Variants in PCDHA3 observed in about 807,000 individuals in gnomAD.
PCDHA3 encodes protocadherin alpha-3.
A neutral mutation model predicts 62.2 loss-of-function variants in PCDHA3; 41 were observed. The observed-to-expected ratio is 0.66, with a 90% confidence interval of 0.51 to 0.86. PCDHA3 has a LOEUF of 0.86. Among genes scored for constraint, PCDHA3 ranks in the 40% least tolerant of loss-of-function variants. The pLI, the probability that PCDHA3 is intolerant of heterozygous loss-of-function variation, is 0.00. For missense variants in PCDHA3, 1,304 were observed against 1,241.2 expected, an observed-to-expected ratio of 1.05 and a Z score of -0.76; for synonymous variants, 640 against 555.4, an observed-to-expected ratio of 1.15 and a Z score of -2.14.
intron 1 of PCDHA3, chr5:140,928,022 G>A: frequency 6.2e-7 from 1 of 1,614,200 alleles, no homozygotes; most frequent in Non-Finnish European, 8.5e-7. Flanking sequence ...AGGGTCATTT[G>A]TGGCATGTCT....
intron 1 of PCDHA3, chr5:140,821,624 A>G: frequency 1.1e-6 from 1 of 893,550 alleles, no homozygotes; most frequent in Non-Finnish European, 1.7e-6. Context: ...GATTTTCCTT[A>G]GACAGAAAGG....
chr5:140,808,972 C>T, intron 1 of PCDHA3: 1 of 1,613,608 alleles, frequency 6.2e-7, no homozygotes, highest in Admixed American at 1.7e-5. Flanking sequence ...CAAAGGTGCG[C>T]GCGGTGGATG....
intron 1 of PCDHA3, among the ~76,000 whole-genome samples, chr5:140,846,095 G>A (rs2150384472): frequency 6.7e-5 from 10 of 149,712 alleles, no homozygotes; most frequent in African/African-American, 2.4e-4. Context: ...GTCCTTCCAA[G>A]GAATGTGTAG....
Position 140,850,162 on chromosome 5 carries a change from T to A in PCDHA3, c.2394+46571T>A. On this transcript the variant is annotated intron_variant, in intron 1 of 3. Transcript: ENST00000522353. ...AACGTGACGCTGCAGGTGTTCGTGCTGGACGAGAACGACAATGCGCCGGCG... is the reference window on the plus strand; with the variant it reads ...AACGTGACGCTGCAGGTGTTCGTGCAGGACGAGAACGACAATGCGCCGGCG... 8.8e-6 allele frequency: 14 copies of A among 1,595,026 alleles called. 2 individuals carry two copies. The highest frequency in any genetic ancestry group is 1.2e-5 in the Non-Finnish European group (14 of 1,167,802).
intron 1 of PCDHA3, chr5:140,869,761 C>T (rs782673770): frequency 6.2e-7 from 1 of 1,613,150 alleles, no homozygotes; most frequent in Non-Finnish European, 8.5e-7. Context: ...CGGGGGAAAA[C>T]CAGAGCTTAC....
intron 1 of PCDHA3, chr5:140,807,310 C>A: frequency 6.2e-7 from 1 of 1,614,114 alleles, no homozygotes; most frequent in Non-Finnish European, 8.5e-7. Context: ...AGGCCAAACA[C>A]GGCACCTTCG....
chr5:140,994,429 G>A (rs1474074265), intron 3 of PCDHA3, among the ~76,000 whole-genome samples: 1 of 152,110 alleles, frequency 6.6e-6, no homozygotes, highest in Non-Finnish European at 1.5e-5. Flanking sequence ...GAGGCCGGGC[G>A]CAGTGGCTCA....
At chr5:140,985,832 C>T (rs760290757) in intron 3 of PCDHA3, among the ~76,000 whole-genome samples, 4 of 151,378 alleles carry the variant, frequency 2.6e-5, no homozygotes, top group African/African-American at 4.9e-5. Flanking sequence ...CTCTGCCTCC[C>T]GGGTTCATGC....
intron 1 of PCDHA3, chr5:140,968,856 G>A (rs782749305): frequency 1.2e-6 from 2 of 1,614,184 alleles, no homozygotes; most frequent in South Asian, 1.1e-5. Flanking sequence ...CATGTTAAGA[G>A]CCCTCGGACA....
At chr5:140,834,347 AG>A (rs2150215572) in intron 1 of PCDHA3, 2 of 1,523,758 alleles carry the variant, frequency 1.3e-6, no homozygotes, top group South Asian at 2.6e-5. Flanking sequence ...TTCGAAGGCA[AG>A]TTTTGCTGAC....
chr5:140,814,586 C>T (rs1049103796), intron 1 of PCDHA3: 3 of 151,932 alleles, frequency 2.0e-5, no homozygotes, highest in African/African-American at 7.3e-5. Flanking sequence ...AATTACTGTA[C>T]ATAATTGTAT....
intron 1 of PCDHA3, chr5:140,841,677 T>A (rs2150320586): frequency 5.6e-6 from 9 of 1,614,014 alleles, no homozygotes; most frequent in Non-Finnish European, 7.6e-6. Flanking sequence ...GTTTTCCATG[T>A]GGACGTGGAG....
At chr5:140,871,700 A>G in intron 1 of PCDHA3, 1 of 896,726 alleles carries the variant, frequency 1.1e-6, no homozygotes, top group Non-Finnish European at 1.6e-6. Flanking sequence ...TTCTTTAACC[A>G]ATAAATGTCC....
intron 3 of PCDHA3, among the ~76,000 whole-genome samples, chr5:140,994,309 C>T (rs924119174): frequency 1.3e-5 from 2 of 152,072 alleles, no homozygotes; most frequent in African/African-American, 4.8e-5. Context: ...TTCACAGGGC[C>T]CAAACACTCT....
intron 1 of PCDHA3, among the ~76,000 whole-genome samples, chr5:140,912,283 A>G (rs1442282452): frequency 6.6e-6 from 1 of 152,104 alleles, no homozygotes; most frequent in Non-Finnish European, 1.5e-5. Flanking sequence ...ACCCAGGAAC[A>G]ATACTTTGCC....
rs558285081 is a variant in PCDHA3, at chr5:140,807,778, G to T, written c.2394+4187G>T. On this transcript the variant is annotated intron_variant, in intron 1 of 3. Coordinates refer to ENST00000522353, the MANE Select transcript of PCDHA3 (RefSeq NM_018906.3). The stretch of plus-strand genomic sequence containing the variant: ...TAAAAGGTCTTGGGCTTATATTACG[G>T]AAATCTTTAGACAGAGAAGAAGCTC... 3.1e-6 allele frequency: 5 copies of T among 1,614,134 alleles called. No homozygotes were observed. In the African/African-American group the frequency reaches 6.7e-5, roughly 22 times the overall value.
intron 1 of PCDHA3, chr5:140,843,260 C>T: frequency 6.3e-7 from 1 of 1,596,130 alleles, no homozygotes; most frequent in Non-Finnish European, 8.6e-7. Flanking sequence ...GCGCCACCGT[C>T]TGCTGGTCCT....
chr5:140,982,427 G>C, intron 2 of PCDHA3, 48 bp from the exon 3 acceptor site: 1 of 1,612,412 alleles, frequency 6.2e-7, no homozygotes, highest in Non-Finnish European at 8.5e-7. Context: ...GAAGAGATGG[G>C]AAAGAATTTA....
At chr5:140,969,385 C>A in intron 1 of PCDHA3, 1 of 1,598,120 alleles carries the variant, frequency 6.3e-7, no homozygotes, top group East Asian at 2.2e-5. Context: ...TTACACATCC[C>A]CCAATATCCT....
Sources: gnomAD v4.1 joint callset for allele counts (sites outside exome capture counted in the v4.1 genomes callset) on GRCh38, gnomAD v4.1.1 for gene constraint, MANE v1.5 for transcripts, NCBI Gene and HGNC (gene_info 2026-07-23, HGNC 2026-07-21) for gene names.